Variants in RHOT1 observed in about 807,000 individuals in gnomAD.
The protein encoded by RHOT1 is mitochondrial Rho GTPase 1.
In RHOT1, 27 loss-of-function variants were observed where a neutral mutation model predicts 95.3. The ratio of observed to expected loss-of-function variants is 0.28; its 90% confidence interval spans 0.21 to 0.39. The LOEUF (loss-of-function observed/expected upper bound fraction) is 0.39. RHOT1 is among the 10% of genes least tolerant of loss of function. The pLI is 1.00. For synonymous variants in RHOT1, 227 were observed against 263.5 expected (o/e 0.86, Z 1.34); for missense variants, 578 against 786.7 (o/e 0.73, Z 3.17).
intron 1 of RHOT1, among the ~76,000 whole-genome samples, chr17:32,157,818 G>A (rs1351942698): frequency 6.7e-6 from 1 of 150,358 alleles, no homozygotes; most frequent in South Asian, 2.1e-4. Context: ...CTCCCACCCC[G>A]CCGCCCAGAA....
intron 1 of RHOT1, among the ~76,000 whole-genome samples, chr17:32,168,068 TG>T (rs1166142081): frequency 6.6e-6 from 1 of 151,552 alleles, no homozygotes; most frequent in African/African-American, 2.4e-5. Flanking sequence ...GTTTACAGAA[TG>T]GCTTATTGAA....
At chr17:32,202,290 A>G (rs531055697) in intron 14 of RHOT1, among the ~76,000 whole-genome samples, 5 of 152,248 alleles carry the variant, frequency 3.3e-5, no homozygotes, top group South Asian at 2.1e-4. Context: ...CCTCTTTTAC[A>G]GTTTACATTT....
At chr17:32,198,525 C>A (rs1345183398) in intron 11 of RHOT1, among the ~76,000 whole-genome samples, 1 of 152,046 alleles carries the variant, frequency 6.6e-6, no homozygotes, top group Non-Finnish European at 1.5e-5. Flanking sequence ...GCCTGGGCAA[C>A]ATGGTGAGAC....
intron 1 of RHOT1, among the ~76,000 whole-genome samples, chr17:32,162,516 G>A (rs1388717926): frequency 1.3e-5 from 2 of 152,156 alleles, no homozygotes; most frequent in Non-Finnish European, 2.9e-5. Flanking sequence ...TCCGGTTGCT[G>A]TTAAGAAAAT....
intron 16 of RHOT1, among the ~76,000 whole-genome samples, chr17:32,204,543 GAAAA>G (rs58323302): frequency 1.8e-5 from 1 of 54,878 alleles, no homozygotes; most frequent in South Asian, 5.5e-4. Flanking sequence ...TCCATCTCCA[GAAAA>G]AAAAAAAAAA....
intron 2 of RHOT1, chr17:32,173,040 A>G (rs1015562040): frequency 6.6e-6 from 1 of 152,220 alleles, no homozygotes. Context: ...GAAACACCAA[A>G]TTAATCCAAG....
intron 2 of RHOT1, 70 bp downstream of exon 2, chr17:32,171,171 CTG>C (rs2142522168): frequency 9.1e-6 from 10 of 1,095,744 alleles, no homozygotes; most frequent in Non-Finnish European, 1.3e-5. Context: ...GAACTGAATT[CTG>C]TCTCTTTTGG....
intron 8 of RHOT1, among the ~76,000 whole-genome samples, chr17:32,190,279 C>A (rs1416130742): frequency 6.6e-6 from 1 of 151,972 alleles, no homozygotes; most frequent in Non-Finnish European, 1.5e-5. Context: ...CATGGTGAAA[C>A]CCCGTCTCTA....
chr17:32,208,503 C>CT (rs1177606440), intron 18 of RHOT1, 194 bp downstream of exon 18: 3 of 575,874 alleles, frequency 5.2e-6, no homozygotes, highest in Non-Finnish European at 9.3e-6. Context: ...AACAGTGCTT[C>CT]TGACAATATC....
At chr17:32,197,092 C>T (rs1336750535) in intron 11 of RHOT1, among the ~76,000 whole-genome samples, 3 of 151,600 alleles carry the variant, frequency 2.0e-5, no homozygotes, top group Non-Finnish European at 2.9e-5. Context: ...CATTGCACTC[C>T]AGCCCTGGCG....
chr17:32,173,925 C>T lies in RHOT1; in HGVS notation c.178+13C>T. 1.3e-6 allele frequency: 2 copies of T among 1,536,698 alleles called. No individual in the cohort carries two copies. The highest frequency in any genetic ancestry group is 1.8e-6 in the Non-Finnish European group (2 of 1,115,862). On this transcript the variant is annotated intron_variant, in intron 3 of 19. Coordinates refer to ENST00000545287, the MANE Select transcript of RHOT1 (RefSeq NM_001033566.3). ...GTAGATTACTCAGGTAATGAATATCCTCTTGTAGATGAAGGTGTAGGTTAA... is the reference window on the plus strand; with the variant it reads ...GTAGATTACTCAGGTAATGAATATCTTCTTGTAGATGAAGGTGTAGGTTAA...
intron 1 of RHOT1, chr17:32,143,137 T>C: frequency 3.8e-6 from 2 of 529,434 alleles, no homozygotes; most frequent in South Asian, 3.1e-5. Flanking sequence ...GGAGATTCCC[T>C]TATCACTGCC....
chr17:32,145,238 C>T (rs756611810), intron 1 of RHOT1, among the ~76,000 whole-genome samples: 8 of 151,702 alleles, frequency 5.3e-5, no homozygotes, highest in Admixed American at 3.3e-4. Flanking sequence ...AGATGGAGGT[C>T]GCAGTGAGCT....
At chr17:32,192,178 T>C (rs776279866) in intron 8 of RHOT1, 23 bp from the exon 9 acceptor site, 19 of 1,122,154 alleles carry the variant, frequency 1.7e-5, no homozygotes, top group South Asian at 1.1e-4. Context: ...TAAACAATTA[T>C]TTCTTTTCTC....
At chr17:32,173,454 C>T (rs2034736085) in intron 2 of RHOT1, among the ~76,000 whole-genome samples, 1 of 152,166 alleles carries the variant, frequency 6.6e-6, no homozygotes, top group South Asian at 2.1e-4. Context: ...AAATACTCAG[C>T]CTGTGATCCC....
At chr17:32,161,982 C>T (rs1262200149) in intron 1 of RHOT1, among the ~76,000 whole-genome samples, 1 of 152,160 alleles carries the variant, frequency 6.6e-6, no homozygotes, top group Non-Finnish European at 1.5e-5. Flanking sequence ...TCAGGGTGCA[C>T]CACCTTCCTG....
In RHOT1 at chr17:32,143,102, C is replaced by A. The variant is rs557415410; in HGVS notation, c.37+373C>A. Reference sequence around the variant, plus strand: ...TGGGCCTCACAGTTTCCCAGGCCGCCTCCTTTCAGACCTTCTTGTCTTCTG... The same window carrying A: ...TGGGCCTCACAGTTTCCCAGGCCGCATCCTTTCAGACCTTCTTGTCTTCTG... On this transcript the variant is annotated intron_variant, in intron 1 of 19. Transcript: ENST00000545287. The A allele has an allele frequency of 2.9e-5, 17 of 591,838 alleles. No individual in the cohort carries two copies. The Admixed American group carries it at 3.3e-4, about 11-fold the overall frequency. The allele number at this position is 591,838 out of a possible 1,614,324, so 36.7% of individuals were successfully genotyped here.
At chr17:32,209,152 A>G (rs1213602777) in intron 18 of RHOT1, 1 of 323,940 alleles carries the variant, frequency 3.1e-6, no homozygotes, top group African/African-American at 2.1e-5. Flanking sequence ...ACATTTTTCA[A>G]AAAGGTGTTG....
chr17:32,208,783 A>G (rs2037929894), intron 18 of RHOT1: 2 of 159,360 alleles, frequency 1.3e-5, no homozygotes, highest in Admixed American at 1.2e-4. Context: ...AGTGCTGTAA[A>G]GAGTAGTTGT....
Sources: allele counts gnomAD v4.1 joint callset (sites outside exome capture counted in the v4.1 genomes callset), GRCh38; gene constraint gnomAD v4.1.1; transcripts MANE v1.5; gene names NCBI Gene and HGNC (gene_info 2026-07-23, HGNC 2026-07-21).